Variants in TMEM178B observed in about 807,000 individuals in gnomAD.
TMEM178B encodes transmembrane protein 178B.
In TMEM178B, 5 loss-of-function variants were observed where a neutral mutation model predicts 31.0. The ratio of observed to expected loss-of-function variants is 0.16; its 90% CI spans 0.08 to 0.34. The LOEUF (loss-of-function observed/expected upper bound fraction) is 0.34. Among genes scored for constraint, TMEM178B ranks in the 10% least tolerant of loss-of-function variants. The pLI is 1.00. For synonymous variants in TMEM178B, 164 were observed against 164.0 expected (o/e 1.00, Z 0.00); for missense variants, 275 against 400.3 (o/e 0.69, Z 2.67).
intron 1 of TMEM178B, among the ~76,000 whole-genome samples, chr7:141,167,864 T>C (rs1188485174): frequency 2.0e-5 from 3 of 152,216 alleles, no homozygotes; most frequent in African/African-American, 7.2e-5. Flanking sequence ...AGCAGCTTTT[T>C]CCTGCTGCTC....
At chr7:141,405,155 G>A (rs534205582) in intron 2 of TMEM178B, among the ~76,000 whole-genome samples, 1 of 152,246 alleles carries the variant, frequency 6.6e-6, no homozygotes, top group African/African-American at 2.4e-5. Context: ...ACAGCCAGAC[G>A]TAGAGGCCTT....
At chr7:141,152,507 G>T (rs532216777) in intron 1 of TMEM178B, among the ~76,000 whole-genome samples, 83 of 152,366 alleles carry the variant, frequency 5.4e-4, no homozygotes, top group Non-Finnish European at 9.4e-4. Flanking sequence ...CTTGAGGGCA[G>T]AGTGTGACCC....
At chr7:141,265,655 G>A (rs1384559474) in intron 2 of TMEM178B, among the ~76,000 whole-genome samples, 1 of 152,182 alleles carries the variant, frequency 6.6e-6, no homozygotes, top group Non-Finnish European at 1.5e-5. Context: ...AGGCAGTTAG[G>A]TGGGGCACGT....
intron 1 of TMEM178B, among the ~76,000 whole-genome samples, chr7:141,202,043 C>T (rs12537873): frequency 0.65 from 98,616 of 151,974 alleles, 32,571 homozygotes; most frequent in Middle Eastern, 0.71. Context: ...GATAAGGATA[C>T]GTCTCTAAGC....
In TMEM178B at chr7:141,277,970, G is replaced by C. The variant is rs552676237; in HGVS notation, c.496+65266G>C. Among the ~76,000 whole-genome samples, 96 of 152,314 alleles carry C rather than the reference G, an allele frequency of 6.3e-4. 3 individuals are homozygous for C. The South Asian group carries it at 0.019, about 31-fold the overall frequency. On this transcript the variant is annotated intron_variant, in intron 2 of 3. Transcript: ENST00000565468. ...TCTTGTTGGAGAGATAAGATATGAAGATATGAAGAGTCAGATAAGAGCAGA... is the reference window on the plus strand; with the variant it reads ...TCTTGTTGGAGAGATAAGATATGAACATATGAAGAGTCAGATAAGAGCAGA...
At position 141,134,304 on chromosome 7, in the gene TMEM178B, A is replaced by G. The variant is rs74666951; in HGVS notation, c.382+59612A>G. Among the ~76,000 whole-genome samples, 473 of 152,044 alleles carry G rather than the reference A, an allele frequency of 3.1e-3. 2 individuals are homozygous for G. The highest frequency in any genetic ancestry group is 0.01 in the African/African-American group (421 of 41,474). ...ACACAACAATGTGCAGAAAGGGGGGAAAAAAAAGAAAAGCCATCAGCTAAG... is the reference window on the plus strand; with the variant it reads ...ACACAACAATGTGCAGAAAGGGGGGGAAAAAAAGAAAAGCCATCAGCTAAG... On this transcript the variant is annotated intron_variant, in intron 1 of 3. Coordinates refer to ENST00000565468, the MANE Select transcript of TMEM178B (RefSeq NM_001195278.2).
intron 1 of TMEM178B, among the ~76,000 whole-genome samples, chr7:141,115,035 T>G (rs542934507): frequency 6.7e-6 from 1 of 148,656 alleles, no homozygotes; most frequent in South Asian, 2.1e-4. Flanking sequence ...TCTGTGGGAT[T>G]TGTGTGTGTG....
chr7:141,247,107 T>C (rs1468856987), intron 2 of TMEM178B, among the ~76,000 whole-genome samples: 3 of 151,868 alleles, frequency 2.0e-5, no homozygotes, highest in Non-Finnish European at 4.4e-5. Context: ...GTATAAATCT[T>C]TCGCTCTCTC....
At chr7:141,501,737 A>G in the TMEM178B span, among the ~76,000 whole-genome samples, 1 of 152,170 alleles carries the variant, frequency 6.6e-6, no homozygotes, top group Non-Finnish European at 1.5e-5. Context: ...CTCAAGTCGC[A>G]ACATTAACCC....
chr7:141,432,722 C>T (rs1464887446), intron 2 of TMEM178B, among the ~76,000 whole-genome samples: 1 of 152,016 alleles, frequency 6.6e-6, no homozygotes, highest in Non-Finnish European at 1.5e-5. Context: ...AAATTTTTTT[C>T]TTCTCCCTGT....
At chr7:141,353,271 C>T (rs971243087) in intron 2 of TMEM178B, among the ~76,000 whole-genome samples, 3 of 152,168 alleles carry the variant, frequency 2.0e-5, no homozygotes, top group Non-Finnish European at 4.4e-5. Flanking sequence ...AGTAAGAATG[C>T]CCTCATGAGC....
intron 3 of TMEM178B, among the ~76,000 whole-genome samples, chr7:141,445,709 T>C (rs1445883999): frequency 1.3e-5 from 2 of 152,180 alleles, no homozygotes; most frequent in Non-Finnish European, 2.9e-5. Context: ...CCTTGATAAA[T>C]GGTGCTGTTA....
chr7:141,100,722 A>G (rs1267220400), intron 1 of TMEM178B, among the ~76,000 whole-genome samples: 2 of 152,220 alleles, frequency 1.3e-5, no homozygotes, highest in Non-Finnish European at 2.9e-5. Flanking sequence ...AGGTACATGT[A>G]TGAATGTAGA....
intron 2 of TMEM178B, among the ~76,000 whole-genome samples, chr7:141,241,390 A>G: frequency 6.6e-6 from 1 of 151,880 alleles, no homozygotes; most frequent in East Asian, 1.9e-4. Flanking sequence ...TCAGGAGCTC[A>G]AGACCAGCCT....
intron 1 of TMEM178B, among the ~76,000 whole-genome samples, chr7:141,130,643 T>C (rs1795579838): frequency 6.6e-6 from 1 of 152,194 alleles, no homozygotes; most frequent in Admixed American, 6.5e-5. Context: ...TTTGTTCATA[T>C]CTTTAATTGC....
At chr7:141,257,998 G>A (rs1188077173) in intron 2 of TMEM178B, among the ~76,000 whole-genome samples, 3 of 151,280 alleles carry the variant, frequency 2.0e-5, no homozygotes, top group African/African-American at 7.3e-5. Context: ...AATTTTCCCT[G>A]TATTTTATTG....
At chr7:141,399,182 T>G (rs1800709740) in intron 2 of TMEM178B, among the ~76,000 whole-genome samples, 1 of 152,234 alleles carries the variant, frequency 6.6e-6, no homozygotes, top group African/African-American at 2.4e-5. Context: ...CAGATGCCTA[T>G]CACACATCCC....
At chr7:141,145,914 T>G (rs1176322828) in intron 1 of TMEM178B, among the ~76,000 whole-genome samples, 1 of 152,182 alleles carries the variant, frequency 6.6e-6, no homozygotes, top group Non-Finnish European at 1.5e-5. Flanking sequence ...GGGCTGTAGT[T>G]TGCAATTGTT....
At chr7:141,460,521 C>A (rs764431789) in intron 3 of TMEM178B, among the ~76,000 whole-genome samples, 13 of 152,200 alleles carry the variant, frequency 8.5e-5, no homozygotes, top group Non-Finnish European at 1.5e-5. Context: ...GTTTCCATGG[C>A]CATCCGTAGA....
Sources: allele counts gnomAD v4.1 joint callset (sites outside exome capture counted in the v4.1 genomes callset), GRCh38; gene constraint gnomAD v4.1.1; transcripts MANE v1.5; gene names NCBI Gene and HGNC (gene_info 2026-07-23, HGNC 2026-07-21).